Variants in WDR25 observed in about 807,000 individuals in gnomAD.
WDR25 encodes WD repeat domain 25, also known as WD repeat-containing protein 25.
A neutral mutation model predicts 47.7 loss-of-function variants in WDR25; 35 were observed. The ratio of observed to expected loss-of-function variants is 0.73; its 90% CI spans 0.56 to 0.97. The LOEUF (loss-of-function observed/expected upper bound fraction) is 0.97. Ranked by LOEUF, WDR25 falls within the 50% of genes least tolerant of loss-of-function variation. The pLI, the probability that WDR25 is intolerant of heterozygous loss-of-function variation, is 0.00. For missense variants in WDR25, 634 were observed against 704.7 expected (o/e 0.90, Z 1.14); for synonymous variants, 248 against 278.9 (o/e 0.89, Z 1.10).
rs1361138715 is a variant in WDR25, at chr14:100,428,558, G to T, written c.823-39463G>T. On this transcript the variant is annotated intron_variant, in intron 2 of 6. Coordinates refer to ENST00000402312, the MANE Select transcript of WDR25 (RefSeq NM_001161476.3). The surrounding 1 kb of genome is among the most constrained non-coding windows in gnomAD (Gnocchi z 4.3). ...TCTTAGTGGAGGTGGCCCCTGTGGT[G>T]GTCCCTGTTGATGCCGACCTGCTAG... 1.3e-5 allele frequency among the ~76,000 whole-genome samples: 2 copies of T among 152,128 alleles called. No homozygotes were observed. The highest frequency in any genetic ancestry group is 4.8e-5 in the African/African-American group (2 of 41,430).
chr14:100,435,417 GT>G (rs1461965764), intron 2 of WDR25, among the ~76,000 whole-genome samples: 2 of 152,236 alleles, frequency 1.3e-5, no homozygotes, highest in Non-Finnish European at 2.9e-5. Flanking sequence ...GTGTGTACAT[GT>G]TTTGTAATGA....
At chr14:100,379,172 C>G (rs926231271) in intron 1 of WDR25, among the ~76,000 whole-genome samples, 2 of 151,960 alleles carry the variant, frequency 1.3e-5, no homozygotes, top group African/African-American at 2.4e-5. Context: ...ATAAGCAGTG[C>G]GGCAGGTTTT....
At chr14:100,438,413 G>T (rs1458847406) in intron 2 of WDR25, among the ~76,000 whole-genome samples, 1 of 152,214 alleles carries the variant, frequency 6.6e-6, no homozygotes, top group Non-Finnish European at 1.5e-5. Flanking sequence ...AAATTTATGG[G>T]CTTCAAATGG....
At chr14:100,453,252 G>A (rs183838249) in intron 2 of WDR25, among the ~76,000 whole-genome samples, 3 of 152,304 alleles carry the variant, frequency 2.0e-5, no homozygotes, top group South Asian at 2.1e-4. Context: ...GGTATTGCAG[G>A]TGGGAGGTAG....
chr14:100,455,903 C>T (rs960795527), intron 2 of WDR25, among the ~76,000 whole-genome samples: 2 of 152,178 alleles, frequency 1.3e-5, no homozygotes, highest in African/African-American at 4.8e-5. Context: ...CCTAAATATT[C>T]CTATCAGGAG....
intron 1 of WDR25, chr14:100,376,845 T>C (rs1896698688): frequency 1.1e-6 from 1 of 951,720 alleles, no homozygotes; most frequent in Admixed American, 4.5e-5. Flanking sequence ...AATGGGAATA[T>C]CCTATTTCTT....
At chr14:100,470,718 G>C (rs1287394487) in intron 3 of WDR25, among the ~76,000 whole-genome samples, 2 of 152,164 alleles carry the variant, frequency 1.3e-5, no homozygotes, top group Non-Finnish European at 2.9e-5. Context: ...GTGGAGAGTT[G>C]GAGGAGTGGG....
chr14:100,468,124 GT>G lies in WDR25; in HGVS notation c.927del (p.Ser309ArgfsTer10). The G allele has an allele frequency of 6.2e-7, 1 of 1,613,674 alleles. No individual in the cohort carries two copies. The highest frequency in any genetic ancestry group is 8.5e-7 in the Non-Finnish European group (1 of 1,180,036). ...GCTCCCTGTGGCCGGCGCATCCTCA[GT>G]GGTGGCTTTGACTTCGCGCTGCACC... Reference protein sequence around the residue: ...RWAPCGRRILSGGFDFALHLT... With the variant: ...RWAPCGRRILXGGFDFALHLT... On this transcript the variant is annotated frameshift_variant, in exon 3 of 7. Coordinates refer to ENST00000402312, the MANE Select transcript of WDR25 (RefSeq NM_001161476.3). LOFTEE classifies it high-confidence loss of function. The surrounding 1 kb of genome is among the most constrained non-coding windows in gnomAD (Gnocchi z 4.5).
intron 3 of WDR25, among the ~76,000 whole-genome samples, chr14:100,473,373 A>G (rs1439042634): frequency 6.6e-6 from 1 of 152,178 alleles, no homozygotes. Flanking sequence ...GCATGTGACT[A>G]GTAGAGCTCC....
At chr14:100,453,139 C>T (rs572216918) in intron 2 of WDR25, among the ~76,000 whole-genome samples, 1 of 152,250 alleles carries the variant, frequency 6.6e-6, no homozygotes, top group East Asian at 1.9e-4. Flanking sequence ...GGGGAACTCA[C>T]CACGAGACAA....
intron 2 of WDR25, among the ~76,000 whole-genome samples, chr14:100,426,652 G>C (rs1898178255): frequency 6.6e-6 from 1 of 152,192 alleles, no homozygotes; most frequent in Admixed American, 6.5e-5. Context: ...CCTAGAATGG[G>C]ATCTGTTGGA....
intron 3 of WDR25, among the ~76,000 whole-genome samples, chr14:100,479,905 CTCT>C (rs1186865063): frequency 1.3e-5 from 2 of 152,138 alleles, no homozygotes; most frequent in East Asian, 3.9e-4. Flanking sequence ...CTAGGTTGTG[CTCT>C]TCTTATGAGA....
chr14:100,405,529 G>T (rs943647858), intron 2 of WDR25, among the ~76,000 whole-genome samples: 4 of 152,310 alleles, frequency 2.6e-5, no homozygotes, highest in Non-Finnish European at 5.9e-5. Flanking sequence ...GGGGAGGGAG[G>T]CTGGGCCCCC....
At chr14:100,520,704 C>T (rs2140382128) in intron 4 of WDR25, among the ~76,000 whole-genome samples, 1 of 152,346 alleles carries the variant, frequency 6.6e-6, no homozygotes, top group South Asian at 2.1e-4. Flanking sequence ...CAAGAACTCA[C>T]AGCTCCATCC....
At chr14:100,526,091 C>A in intron 5 of WDR25, 51 bp downstream of exon 5, 2 of 1,596,298 alleles carry the variant, frequency 1.3e-6, no homozygotes, top group East Asian at 2.2e-5. Flanking sequence ...AGAGCGTATC[C>A]ATGTAGTTCT....
intron 2 of WDR25, among the ~76,000 whole-genome samples, chr14:100,458,642 G>A (rs1899281046): frequency 6.6e-6 from 1 of 152,150 alleles, no homozygotes; most frequent in African/African-American, 2.4e-5. Context: ...TGTCCACCAA[G>A]AGAGACCATA....
rs73349428 is a variant in WDR25, at chr14:100,451,396, C to T, written c.823-16625C>T. Among the ~76,000 whole-genome samples the T allele has an allele frequency of 4.9e-3, 749 of 152,088 alleles. 10 individuals carry two copies. The highest frequency in any genetic ancestry group is 0.017 in the African/African-American group (705 of 41,502). On this transcript the variant is annotated intron_variant, in intron 2 of 6. Transcript: ENST00000402312. ...AGCTGGGTCTAGAGTTGTGTGCCAC[C>T]GTAGTAGAGACAGGGTTTCTCCATG...
rs1007400750 is a variant in WDR25 at position 100,523,121 on chromosome 14, G to T, written c.1102-2749G>T. On this transcript the variant is annotated intron_variant, in intron 4 of 6. Coordinates refer to ENST00000402312, the MANE Select transcript of WDR25 (RefSeq NM_001161476.3). The surrounding 1 kb of genome is among the most constrained non-coding windows in gnomAD (Gnocchi z 4.7). ...GCTGGGAGCCGGAGGACCCTGGATT[G>T]CTACTTTTAAAGTAGTCGACCTTTT... is the stretch of plus-strand genomic sequence containing the variant. Among the ~76,000 whole-genome samples, 1 of 152,264 alleles carries T rather than the reference G, an allele frequency of 6.6e-6. No individual in the cohort carries two copies. Among genetic ancestry groups the T allele is most frequent in the Non-Finnish European group, 1.5e-5 (1 of 68,048 alleles).
intron 2 of WDR25, among the ~76,000 whole-genome samples, chr14:100,410,781 ATT>A (rs560217272): frequency 4.0e-4 from 55 of 139,020 alleles, no homozygotes; most frequent in Admixed American, 6.5e-4. Flanking sequence ...GTTTAAGCAG[ATT>A]TTTTTTTTTT....
Sources: allele counts gnomAD v4.1 joint callset (sites outside exome capture counted in the v4.1 genomes callset), GRCh38; gene constraint gnomAD v4.1.1; non-coding constraint Gnocchi (gnomAD v3.1); transcripts MANE v1.5; gene names NCBI Gene and HGNC (gene_info 2026-07-23, HGNC 2026-07-21).